SLC25A48: variants seen among roughly 807,000 people sequenced by gnomAD.
SLC25A48 encodes the protein solute carrier family 25 member 48, also known as CTC-321K16.1.
In SLC25A48, 29 loss-of-function variants were observed where a neutral mutation model predicts 32.2. The ratio of observed to expected loss-of-function variants is 0.90; its 90% confidence interval spans 0.67 to 1.23. The LOEUF (loss-of-function observed/expected upper bound fraction) is 1.23, where lower values mean the gene tolerates loss of function less well. Ranked by LOEUF, SLC25A48 falls within the 50% of genes most tolerant of loss-of-function variation. The pLI, the probability that SLC25A48 is intolerant of heterozygous loss-of-function variation, is 0.00. For missense variants in SLC25A48, 399 were observed against 422.7 expected, an observed-to-expected ratio of 0.94 and a Z score of 0.49; for synonymous variants, 164 against 172.3, an observed-to-expected ratio of 0.95 and a Z score of 0.38.
At chr5:135,623,484 A>T (rs1752371135) in intron 1 of SLC25A48, among the ~76,000 whole-genome samples, 1 of 152,196 alleles carries the variant, frequency 6.6e-6, no homozygotes, top group African/African-American at 2.4e-5. Flanking sequence ...TTGGGAAAGC[A>T]GTGGAAGGCT....
At chr5:135,658,209 C>A (rs1753301085) in intron 3 of SLC25A48, among the ~76,000 whole-genome samples, 1 of 152,192 alleles carries the variant, frequency 6.6e-6, no homozygotes, top group African/African-American at 2.4e-5. Flanking sequence ...TTTCAAGATA[C>A]AATGGAGGTA....
chr5:135,580,530 G>A (rs1751208324), intron 1 of SLC25A48, among the ~76,000 whole-genome samples: 1 of 152,188 alleles, frequency 6.6e-6, no homozygotes, highest in South Asian at 2.1e-4. Context: ...GCTGCTTCAA[G>A]AAGAAGCTGA....
chr5:135,785,406 G>A (rs1035546347), intron 3 of SLC25A48, among the ~76,000 whole-genome samples: 3 of 151,760 alleles, frequency 2.0e-5, no homozygotes, highest in African/African-American at 7.3e-5. Context: ...ATATCCAGTG[G>A]GGGAAAGGGT....
At position 135,834,827 on chromosome 5, in the gene SLC25A48, G is replaced by A. The variant is rs1758362170; in HGVS notation, c.-21G>A. 2 of 1,585,950 alleles carry A rather than the reference G, an allele frequency of 1.3e-6. No homozygotes were observed. The highest frequency in any genetic ancestry group is 1.7e-6 in the Non-Finnish European group (2 of 1,166,640). On this transcript the variant is annotated 5_prime_UTR_variant, in exon 1 of 8. Transcript: ENST00000681962. ...AGTGGGCACTGCCCCGGCTCCGGGA[G>A]GGCGAGACCGAGCGCCGGCCATGGG...
At chr5:135,700,732 G>A (rs1026616580) in intron 3 of SLC25A48, among the ~76,000 whole-genome samples, 1 of 152,228 alleles carries the variant, frequency 6.6e-6, no homozygotes, top group African/African-American at 2.4e-5. Flanking sequence ...GGAGAGTTCT[G>A]CAGTCCCCTC....
intron 4 of SLC25A48, chr5:135,825,589 G>T: frequency 6.5e-6 from 1 of 152,744 alleles, no homozygotes; most frequent in Non-Finnish European, 1.5e-5. Flanking sequence ...GCTGGTCCCG[G>T]GTATCTGGGC....
chr5:135,669,993 C>T (rs2188920), intron 3 of SLC25A48, among the ~76,000 whole-genome samples: 97,947 of 152,064 alleles, frequency 0.64, 32,496 homozygotes, highest in Middle Eastern at 0.76. Context: ...CCCATAAACA[C>T]GCATAGGTAC....
intron 2 of SLC25A48, among the ~76,000 whole-genome samples, chr5:135,849,550 A>T (rs1211482804): frequency 6.6e-6 from 1 of 152,118 alleles, no homozygotes; most frequent in Non-Finnish European, 1.5e-5. Flanking sequence ...TTGTTCAGTC[A>T]GTGCAAAGGG....
chr5:135,653,958 T>C (rs923354729), intron 3 of SLC25A48: 3 of 455,778 alleles, frequency 6.6e-6, no homozygotes, highest in Admixed American at 4.7e-5. Flanking sequence ...CTTTGGATGG[T>C]GGTGAGGGTA....
At chr5:135,728,478 A>T (rs1755144654) in intron 3 of SLC25A48, among the ~76,000 whole-genome samples, 1 of 152,126 alleles carries the variant, frequency 6.6e-6, no homozygotes, top group Non-Finnish European at 1.5e-5. Context: ...ATCATTTCAT[A>T]CTATTCTCTT....
chr5:135,733,644 G>A (rs1017277743), intron 3 of SLC25A48, among the ~76,000 whole-genome samples: 1 of 152,180 alleles, frequency 6.6e-6, no homozygotes, highest in African/African-American at 2.4e-5. Flanking sequence ...AAAACAGTAA[G>A]GTCAAGTTGT....
chr5:135,750,629 A>G (rs1030608299), intron 3 of SLC25A48, among the ~76,000 whole-genome samples: 2 of 152,062 alleles, frequency 1.3e-5, no homozygotes, highest in African/African-American at 4.8e-5. Context: ...ATGGGGGGCA[A>G]TGTTGTCCAT....
At chr5:135,592,076 CA>C (rs1751540435) in intron 1 of SLC25A48, among the ~76,000 whole-genome samples, 1 of 152,136 alleles carries the variant, frequency 6.6e-6, no homozygotes, top group Non-Finnish European at 1.5e-5. Context: ...GAGTGGGAAA[CA>C]GGCCAAGTTA....
chr5:135,632,652 A>C (rs2126908905), intron 2 of SLC25A48, among the ~76,000 whole-genome samples: 1 of 152,366 alleles, frequency 6.6e-6, no homozygotes, highest in African/African-American at 2.4e-5. Context: ...TAGGAAGAAC[A>C]TTCAAACCCA....
At chr5:135,786,693 C>T (rs1241920238) in intron 3 of SLC25A48, among the ~76,000 whole-genome samples, 1 of 151,238 alleles carries the variant, frequency 6.6e-6, no homozygotes, top group Admixed American at 6.6e-5. Context: ...TCACCATGTG[C>T]GTACACCCTC....
chr5:135,696,327 CA>C (rs1425224744), intron 3 of SLC25A48, among the ~76,000 whole-genome samples: 10 of 152,160 alleles, frequency 6.6e-5, no homozygotes, highest in African/African-American at 2.2e-4. Context: ...CACTTTAATG[CA>C]AAACTTGATA....
chr5:135,861,153 TAAG>T (rs1380854152), intron 4 of SLC25A48, among the ~76,000 whole-genome samples: 6 of 152,202 alleles, frequency 3.9e-5, no homozygotes, highest in Non-Finnish European at 8.8e-5. Flanking sequence ...TTAAAGATTT[TAAG>T]AAGCTGTGAT....
intron 3 of SLC25A48, among the ~76,000 whole-genome samples, chr5:135,805,705 C>T (rs1362293637): frequency 6.6e-6 from 1 of 151,404 alleles, no homozygotes; most frequent in African/African-American, 2.4e-5. Context: ...GATATTACTT[C>T]TAATATCCCA....
chr5:135,763,246 G>A (rs1050946496), intron 3 of SLC25A48, among the ~76,000 whole-genome samples: 1 of 152,144 alleles, frequency 6.6e-6, no homozygotes, highest in African/African-American at 2.4e-5. Context: ...TTTGACTCAC[G>A]GGGCTAGCTG....
Sources: gnomAD v4.1 joint callset for allele counts (sites outside exome capture counted in the v4.1 genomes callset) on GRCh38, gnomAD v4.1.1 for gene constraint, MANE v1.5 for transcripts, NCBI Gene and HGNC (gene_info 2026-07-23, HGNC 2026-07-21) for gene names.